The following ADD3 variants were observed in gnomAD, a reference collection of about 807,000 sequenced individuals.
The protein encoded by ADD3 is adducin 3.
A neutral mutation model predicts 80.2 loss-of-function variants in ADD3; 25 were observed. The ratio of observed to expected loss-of-function variants is 0.31; its 90% confidence interval spans 0.23 to 0.44. ADD3 has a LOEUF of 0.44. ADD3 is among the 20% of genes least tolerant of loss of function. The pLI is 1.00. For synonymous variants in ADD3, 284 were observed against 289.6 expected (o/e 0.98, Z 0.20); for missense variants, 829 against 847.5 (o/e 0.98, Z 0.27).
At chr10:110,064,978 A>G (rs908571319) in intron 1 of ADD3, among the ~76,000 whole-genome samples, 4 of 152,122 alleles carry the variant, frequency 2.6e-5, no homozygotes, top group African/African-American at 9.7e-5. Context: ...GGATCGCTTG[A>G]ACCTGGGAAG....
Position 110,041,427 on chromosome 10 carries a change from C to T in ADD3, c.-30+33128C>T, listed in dbSNP as rs141152704. ...CCAGTGTAGGGATCCATTTCAATCC[C>T]GGCCCTGCTTGAGGTTACATTGAAT... On this transcript the variant is annotated intron_variant, in intron 1 of 14. Transcript: ENST00000356080. 2.2e-4 allele frequency among the ~76,000 whole-genome samples: 33 copies of T among 152,174 alleles called. No homozygotes were observed. In the East Asian group the frequency reaches 3.5e-3, roughly 16 times the overall value.
At chr10:110,035,327 A>G (rs1456320116) in intron 1 of ADD3, among the ~76,000 whole-genome samples, 3 of 152,076 alleles carry the variant, frequency 2.0e-5, no homozygotes, top group East Asian at 1.9e-4. Context: ...TCTATCACCA[A>G]CCCCATCTAT....
chr10:110,021,319 C>A (rs976299659), intron 1 of ADD3, among the ~76,000 whole-genome samples: 4 of 152,138 alleles, frequency 2.6e-5, no homozygotes, highest in African/African-American at 9.7e-5. Context: ...TCAGAGTTAA[C>A]GTGGTTAAAA....
chr10:110,094,837 T>G (rs1847972445), intron 1 of ADD3, among the ~76,000 whole-genome samples: 1 of 152,354 alleles, frequency 6.6e-6, no homozygotes, highest in East Asian at 1.9e-4. Flanking sequence ...TTTGTTGTTT[T>G]GTTTTTTAAC....
In ADD3 at chr10:110,116,287, C is replaced by A; in HGVS notation, c.363C>A (p.Asp121Glu). 6.2e-7 allele frequency: 1 copy of A among 1,614,126 alleles called. No individual in the cohort carries two copies. Among genetic ancestry groups the A allele is most frequent in the Non-Finnish European group, 8.5e-7 (1 of 1,179,998 alleles). Residue 121 changes from aspartate (D) to glutamate (E), a missense_variant, in exon 4 of 15, where the codon GAC becomes GAA. Coordinates refer to ENST00000356080, the MANE Select transcript of ADD3 (RefSeq NM_016824.5). ...LSLGMVTPIN[D>E]LPGADTSSYV... is the part of the protein sequence containing the mutation. ...TTGGCATGGTCACACCTATCAATGA[C>A]CTTCCTGGTGCAGATACATCCTCAT...
chr10:110,063,737 T>TTTTATATATATATATATA (rs1491263798), intron 1 of ADD3, among the ~76,000 whole-genome samples: 2 of 64,672 alleles, frequency 3.1e-5, no homozygotes, highest in Non-Finnish European at 6.7e-5. Context: ...TATATATTCA[T>TTTTATATATATATATATA]TATATATATA....
At chr10:110,035,091 A>G (rs1220469905) in intron 1 of ADD3, among the ~76,000 whole-genome samples, 1 of 152,248 alleles carries the variant, frequency 6.6e-6, no homozygotes, top group Non-Finnish European at 1.5e-5. Context: ...ATAAATAAAA[A>G]TGGCATGTTT....
intron 1 of ADD3, among the ~76,000 whole-genome samples, chr10:110,038,049 A>G (rs989308320): frequency 7.5e-4 from 113 of 150,258 alleles, no homozygotes; most frequent in African/African-American, 2.7e-3. Flanking sequence ...AGCCTGGGCA[A>G]CAAGAGTAAA....
chr10:110,070,061 A>G (rs931497153), intron 1 of ADD3, among the ~76,000 whole-genome samples: 6 of 152,162 alleles, frequency 3.9e-5, no homozygotes, highest in African/African-American at 1.4e-4. Context: ...TAAAACATAT[A>G]TTGTCTTTTT....
intron 1 of ADD3, among the ~76,000 whole-genome samples, chr10:110,032,269 G>T (rs765518969): frequency 4.6e-5 from 7 of 152,206 alleles, no homozygotes; most frequent in Non-Finnish European, 8.8e-5. Flanking sequence ...CATTAAGAAT[G>T]AGAGCTCGGA....
At chr10:110,100,877 T>G in intron 2 of ADD3, 29 bp downstream of exon 2, 1 of 1,530,618 alleles carries the variant, frequency 6.5e-7, no homozygotes, top group Non-Finnish European at 8.8e-7. Context: ...CTGTAATTTT[T>G]CTCCCTCTTT....
intron 8 of ADD3, among the ~76,000 whole-genome samples, chr10:110,121,017 T>A (rs918631391): frequency 1.3e-5 from 2 of 151,782 alleles, no homozygotes; most frequent in Non-Finnish European, 2.9e-5. Context: ...GATTAAAGAT[T>A]TAAACGTTAG....
At chr10:110,127,040 T>C (rs1438062381) in intron 12 of ADD3, among the ~76,000 whole-genome samples, 4 of 152,242 alleles carry the variant, frequency 2.6e-5, no homozygotes, top group Non-Finnish European at 5.9e-5. Flanking sequence ...TTAGAATTAA[T>C]GAAATATTTT....
rs769573055 is a variant in ADD3 at position 110,100,694 on chromosome 10, C to T, written c.41C>T (p.Pro14Leu). 1.2e-6 allele frequency: 2 copies of T among 1,613,142 alleles called. No individual in the cohort carries two copies. The highest frequency in any genetic ancestry group is 1.1e-5 in the South Asian group (1 of 90,912). Reference sequence around the variant, plus strand: ...AGCCAAGGCGTGATTACCACTCCTCCTCCTCCCAGCATGCCTCACAAAGAG... The same window carrying T: ...AGCCAAGGCGTGATTACCACTCCTCTTCCTCCCAGCATGCCTCACAAAGAG... The part of the protein sequence containing the change: ...DASQGVITTP[P>L]PPSMPHKERY... The change falls in exon 2 of 15, where the codon CCT becomes CTT. Residue 14 changes from proline to leucine, a missense_variant. Pro to Leu is a moderately conservative substitution (Grantham distance 98, BLOSUM62 -3). Transcript: ENST00000356080.
chr10:110,025,677 G>C (rs1201040406), intron 1 of ADD3, among the ~76,000 whole-genome samples: 1 of 152,168 alleles, frequency 6.6e-6, no homozygotes, highest in Non-Finnish European at 1.5e-5. Flanking sequence ...GAAGTTCCGT[G>C]TTTAAGGCAA....
intron 14 of ADD3, 82 bp from the exon 15 acceptor site, chr10:110,133,244 G>T: frequency 3.6e-6 from 5 of 1,382,748 alleles, no homozygotes; most frequent in Non-Finnish European, 4.9e-6. Context: ...TTATTACATT[G>T]CTAAAACATT....
intron 1 of ADD3, chr10:110,075,694 C>T (rs1234835124): frequency 6.6e-6 from 1 of 152,184 alleles, no homozygotes; most frequent in Non-Finnish European, 1.5e-5. Flanking sequence ...GATTCTTCTA[C>T]TATAATAACC....
chr10:110,013,372 G>A (rs922579377), intron 1 of ADD3, among the ~76,000 whole-genome samples: 2 of 152,210 alleles, frequency 1.3e-5, no homozygotes, highest in African/African-American at 4.8e-5. Flanking sequence ...CAAAGTGCTG[G>A]GGTTACAGGC....
chr10:110,131,020 T>C (rs1400718093), intron 13 of ADD3, among the ~76,000 whole-genome samples: 1 of 152,218 alleles, frequency 6.6e-6, no homozygotes, highest in Non-Finnish European at 1.5e-5. Flanking sequence ...GCTTTTTAAC[T>C]CTCTTAATTT....
Sources: gnomAD v4.1 joint callset for allele counts (sites outside exome capture counted in the v4.1 genomes callset) on GRCh38, gnomAD v4.1.1 for gene constraint, MANE v1.5 for transcripts, NCBI Gene and HGNC (gene_info 2026-07-23, HGNC 2026-07-21) for gene names.